Variants in DOCK10 observed in about 807,000 individuals in gnomAD.
DOCK10 encodes the protein dedicator of cytokinesis 10, also known as dedicator of cytokinesis protein 10.
DOCK10 carries 145 observed loss-of-function variants against 280.1 expected under a neutral mutation model. The observed-to-expected ratio is 0.52, with a 90% confidence interval of 0.45 to 0.59. The LOEUF (loss-of-function observed/expected upper bound fraction) is 0.59. DOCK10 is among the 20% of genes least tolerant of loss of function. The pLI, the probability that DOCK10 is intolerant of heterozygous loss-of-function variation, is 0.00. For synonymous variants in DOCK10, 915 were observed against 942.2 expected (o/e 0.97, Z 0.53); for missense variants, 2,368 against 2,651.7 (o/e 0.89, Z 2.35).
chr2:224,940,833 A>G (rs1703009906), intron 1 of DOCK10, among the ~76,000 whole-genome samples: 1 of 152,180 alleles, frequency 6.6e-6, no homozygotes, highest in South Asian at 2.1e-4. Flanking sequence ...CCTGCAATAT[A>G]CAACAGATCA....
At chr2:225,038,725 A>G (rs1027571129) in intron 1 of DOCK10, among the ~76,000 whole-genome samples, 3 of 152,208 alleles carry the variant, frequency 2.0e-5, no homozygotes, top group African/African-American at 4.8e-5. Context: ...TTAAAAGTGC[A>G]TGTAACTAAA....
At chr2:225,022,204 A>G (rs1213353241) in intron 1 of DOCK10, among the ~76,000 whole-genome samples, 1 of 152,184 alleles carries the variant, frequency 6.6e-6, no homozygotes, top group Non-Finnish European at 1.5e-5. Flanking sequence ...GGAATCCTAG[A>G]TCTACCGTTT....
intron 1 of DOCK10, among the ~76,000 whole-genome samples, chr2:224,993,557 G>A (rs528865125): frequency 6.6e-6 from 1 of 152,342 alleles, no homozygotes; most frequent in Non-Finnish European, 1.5e-5. Context: ...CCTAAAGTGG[G>A]AGAAATCACT....
Position 224,905,285 on chromosome 2 carries a change from G to A in DOCK10, c.334-8908C>T, listed in dbSNP as rs1055666109. The stretch of plus-strand genomic sequence containing the variant: ...AGACGGAGTCTCGCTCTATCGCCCA[G>A]GCCGGACTGCGGACTGCAGCGGCGC... On this transcript the variant is annotated intron_variant, in intron 3 of 55. Transcript: ENST00000258390. Among the ~76,000 whole-genome samples, 82 of 117,590 alleles carry A rather than the reference G, an allele frequency of 7.0e-4. 2 individuals are homozygous for A. Among genetic ancestry groups the A allele is most frequent in the African/African-American group, 4.5e-3 (80 of 17,952 alleles). 77.1% of individuals were successfully genotyped at this position (117,590 alleles called of 152,430 possible).
At chr2:224,931,435 T>G in intron 2 of DOCK10, 114 bp downstream of exon 2, 5 of 1,182,624 alleles carry the variant, frequency 4.2e-6, no homozygotes, top group Non-Finnish European at 4.6e-6. Context: ...CTGCAGAGAC[T>G]GAGATGTAGG....
chr2:224,820,876 T>G (rs550291514), intron 28 of DOCK10, among the ~76,000 whole-genome samples: 5 of 152,190 alleles, frequency 3.3e-5, no homozygotes, highest in Non-Finnish European at 7.3e-5. Context: ...AAAGCAGTGG[T>G]TAGTCAGGCG....
intron 1 of DOCK10, among the ~76,000 whole-genome samples, chr2:224,980,175 T>C (rs1407026709): frequency 6.6e-6 from 1 of 152,166 alleles, no homozygotes; most frequent in African/African-American, 2.4e-5. Context: ...TCCAAAGTAC[T>C]CCTTCGTCAG....
intron 1 of DOCK10, among the ~76,000 whole-genome samples, chr2:225,026,117 T>C (rs1214883560): frequency 6.6e-6 from 1 of 152,040 alleles, no homozygotes; most frequent in Non-Finnish European, 1.5e-5. Context: ...GGGTAGCTGG[T>C]GGCACGGGCC....
chr2:224,815,154 G>C (rs1388729783), intron 30 of DOCK10, among the ~76,000 whole-genome samples: 1 of 152,080 alleles, frequency 6.6e-6, no homozygotes, highest in African/African-American at 2.4e-5. Context: ...GTTCTCTTGA[G>C]AGCCGATGGT....
chr2:224,795,193 G>A (rs1410880209), intron 44 of DOCK10, 99 bp from the exon 45 acceptor site: 2 of 1,053,234 alleles, frequency 1.9e-6, no homozygotes, highest in Non-Finnish European at 2.8e-6. Flanking sequence ...TCACAGTTTG[G>A]AGCATTCTAT....
intron 14 of DOCK10, chr2:224,861,660 T>A (rs956125251): frequency 6.6e-6 from 1 of 152,208 alleles, no homozygotes; most frequent in Non-Finnish European, 1.5e-5. Context: ...AATTAACAGG[T>A]TCTCTCTTCC....
chr2:224,840,828 T>C (rs1461767123), intron 23 of DOCK10, among the ~76,000 whole-genome samples: 1 of 152,230 alleles, frequency 6.6e-6, no homozygotes, highest in East Asian at 1.9e-4. Flanking sequence ...TGCAGCACTA[T>C]TCACTGCAGC....
At chr2:224,921,944 AAAAAT>A (rs965338699) in intron 2 of DOCK10, among the ~76,000 whole-genome samples, 4 of 151,980 alleles carry the variant, frequency 2.6e-5, no homozygotes, top group African/African-American at 7.3e-5. Flanking sequence ...TACTAAAAAT[AAAAAT>A]AAAATAAAAT....
intron 20 of DOCK10, 71 bp downstream of exon 20, chr2:224,845,448 T>C (rs1243942130): frequency 6.4e-7 from 1 of 1,564,602 alleles, no homozygotes; most frequent in Non-Finnish European, 8.7e-7. Flanking sequence ...AATCAGGGCT[T>C]TGAAAACACT....
At chr2:224,809,120 C>A (rs1363041572) in intron 31 of DOCK10, among the ~76,000 whole-genome samples, 1 of 150,328 alleles carries the variant, frequency 6.7e-6, no homozygotes, top group Admixed American at 6.6e-5. Context: ...GAGAAAAGGC[C>A]CTGCCAAATT....
At chr2:224,806,062 A>G (rs1311243744) in intron 34 of DOCK10, 64 bp downstream of exon 34, 1 of 939,594 alleles carries the variant, frequency 1.1e-6, no homozygotes, top group Non-Finnish European at 1.6e-6. Flanking sequence ...TAAAAAGCAC[A>G]ATGATATACA....
intron 1 of DOCK10, among the ~76,000 whole-genome samples, chr2:224,994,970 A>G (rs1706230016): frequency 6.6e-6 from 1 of 152,180 alleles, no homozygotes; most frequent in African/African-American, 2.4e-5. Flanking sequence ...TGCACACAAG[A>G]TGTTGACTGG....
intron 3 of DOCK10, among the ~76,000 whole-genome samples, chr2:224,896,817 C>T (rs1700014261): frequency 6.6e-6 from 1 of 152,220 alleles, no homozygotes. Flanking sequence ...TGAAAGCTAG[C>T]AACTTAAAGG....
chr2:224,765,800 T>C lies in DOCK10; in HGVS notation c.6482A>G (p.Asp2161Gly). 6.2e-7 allele frequency: 1 copy of C among 1,613,874 alleles called. No homozygotes were observed. Among genetic ancestry groups the C allele is most frequent in the Non-Finnish European group, 8.5e-7 (1 of 1,179,866 alleles). The change falls in exon 56 of 56, where the codon GAC becomes GGC. Residue 2161 changes from aspartate to glycine, a missense_variant. By Grantham distance (94) the Asp-to-Gly change is moderately conservative. Coordinates refer to ENST00000258390, the MANE Select transcript of DOCK10 (RefSeq NM_014689.3). ...GRDDLSKRGV[D>G]QTCTRVISKA... ...GCTAATTACTCGAGTGCAGGTTTGGTCCACTCCGCGCTTTGACAGGTCGTC... is the reference window on the plus strand; with the variant it reads ...GCTAATTACTCGAGTGCAGGTTTGGCCCACTCCGCGCTTTGACAGGTCGTC...
Sources: allele counts gnomAD v4.1 joint callset (sites outside exome capture counted in the v4.1 genomes callset), GRCh38; gene constraint gnomAD v4.1.1; transcripts MANE v1.5; gene names NCBI Gene and HGNC (gene_info 2026-07-23, HGNC 2026-07-21).